Variants in SCN4A observed in about 807,000 individuals in gnomAD.
The protein encoded by SCN4A is sodium channel protein type 4 subunit alpha.
SCN4A carries 83 observed loss-of-function variants against 162.0 expected under a neutral mutation model. That is an observed-to-expected ratio of 0.51 (90% CI 0.43 to 0.61). SCN4A has a LOEUF of 0.61. Ranked by LOEUF, SCN4A falls within the 20% of genes least tolerant of loss-of-function variation. The probability of loss-of-function intolerance (pLI) is 0.00; values close to 1 mark genes in which losing one functional copy is unlikely to be tolerated. For missense variants in SCN4A, 2,196 were observed against 2,462.5 expected, an observed-to-expected ratio of 0.89 and a Z score of 2.29; for synonymous variants, 944 against 985.1, an observed-to-expected ratio of 0.96 and a Z score of 0.78.
chr17:63,947,526 G>A (rs62070882), intron 17 of SCN4A, among the ~76,000 whole-genome samples: 2,958 of 152,324 alleles, frequency 0.019, 38 homozygotes, highest in Admixed American at 0.04. Flanking sequence ...GGCCAAGGTA[G>A]GAGGATTGCT....
chr17:63,949,532 C>A lies in SCN4A; in HGVS notation c.2854-4G>T. 2 of 1,602,956 alleles carry A rather than the reference C, an allele frequency of 1.2e-6. No individual in the cohort carries two copies. Among genetic ancestry groups the A allele is most frequent in the Non-Finnish European group, 1.7e-6 (2 of 1,172,548 alleles). On this transcript the variant is annotated splice_polypyrimidine_tract_variant and splice_region_variant and intron_variant, in intron 14 of 23. Coordinates refer to ENST00000435607, the MANE Select transcript of SCN4A (RefSeq NM_000334.4). The stretch of plus-strand genomic sequence containing the variant: ...CATAGAGAGGCTGCGGCGGCTTCTG[C>A]GGAGGCCACAGGGTCACATGACATC...
rs1193767150 is a variant in SCN4A, at chr17:63,972,191, T to C, written c.427A>G (p.Thr143Ala). 6.2e-7 allele frequency: 1 copy of C among 1,613,482 alleles called. No individual in the cohort carries two copies. The highest frequency in any genetic ancestry group is 8.5e-7 in the Non-Finnish European group (1 of 1,179,760). Residue 143 changes from threonine (T) to alanine (A), a missense_variant, in exon 3 of 24, where the codon ACC becomes GCC. By Grantham distance (58) the Thr-to-Ala change is moderately conservative. Coordinates refer to ENST00000435607, the MANE Select transcript of SCN4A (RefSeq NM_000334.4). The surrounding 1 kb of genome is among the most constrained non-coding windows in gnomAD (Gnocchi z 4.3). ...FSMFIMITILTNCVFMTMSDP... is the reference protein window; with the variant it reads ...FSMFIMITILANCVFMTMSDP... ...CTCATGGTCATGAATACGCAGTTGG[T>C]CAAGATGGTGATCATGATGAACATG...
chr17:63,966,365 CATCCATGCCCACAGGTTTCCCTGCA>C lies in SCN4A; in HGVS notation c.1100+91_1100+115del, dbSNP rs1349901401. 2.9e-6 allele frequency: 4 copies of C among 1,399,202 alleles called. No homozygotes were observed. In the African/African-American group the frequency reaches 5.7e-5, roughly 20 times the overall value. The allele number at this position is 1,399,202 out of a possible 1,614,324, so 86.7% of individuals were successfully genotyped here. On this transcript the variant is annotated intron_variant, in intron 7 of 23. Transcript: ENST00000435607. ...GTGTCCCCCAAACAGAAAAGTATTCCATCCATGCCCACAGGTTTCCCTGCACTCCCATGCCCCCCAGGTCCTCATC... is the reference window on the plus strand; with the variant it reads ...GTGTCCCCCAAACAGAAAAGTATTCCCTCCCATGCCCCCCAGGTCCTCATC...
intron 5 of SCN4A, among the ~76,000 whole-genome samples, chr17:63,970,476 T>C (rs1354644908): frequency 6.6e-6 from 1 of 152,128 alleles, no homozygotes; most frequent in African/African-American, 2.4e-5. Context: ...TGTGCTTTTT[T>C]CTTTTGAGAC....
rs541785064 is a variant in SCN4A, at chr17:63,951,825, C to T, written c.2452G>A (p.Glu818Lys). 35 of 1,577,412 alleles carry T rather than the reference C, an allele frequency of 2.2e-5. No homozygotes were observed. The South Asian group carries it at 2.8e-4, about 12-fold the overall frequency. The change falls in exon 14 of 24, where the codon GAG (glutamate) becomes AAG (lysine). Residue 818 changes from glutamate to lysine, a missense_variant. By Grantham distance (56) the Glu-to-Lys change is moderately conservative. Transcript: ENST00000435607. The surrounding 1 kb of genome is among the most constrained non-coding windows in gnomAD (Gnocchi z 4.5). Reference sequence around the variant, plus strand: ...ATGGCAATCTGCAGGTTGTTCATCTCGCCATCCTCATCCGAGGCTGCCAGA... The same window carrying T: ...ATGGCAATCTGCAGGTTGTTCATCTTGCCATCCTCATCCGAGGCTGCCAGA... ...DSLAASDEDGEMNNLQIAIGR... is the reference protein window; with the variant it reads ...DSLAASDEDGKMNNLQIAIGR...
rs537378930 is a variant in SCN4A at position 63,960,711 on chromosome 17, C to A, written c.1845+482G>T. ...TGGAGAGAGGAGAAGCCTGGCCACGCTGGAGAAATAGGTGAGGGTTGGGGG... is the reference window on the plus strand; with the variant it reads ...TGGAGAGAGGAGAAGCCTGGCCACGATGGAGAAATAGGTGAGGGTTGGGGG... On this transcript the variant is annotated intron_variant, in intron 11 of 23. Coordinates refer to ENST00000435607, the MANE Select transcript of SCN4A (RefSeq NM_000334.4). Among the ~76,000 whole-genome samples, 12 of 152,230 alleles carry A rather than the reference C, an allele frequency of 7.9e-5. No individual in the cohort carries two copies. In the South Asian group the frequency reaches 1.9e-3, roughly 24 times the overall value.
In SCN4A at chr17:63,966,171, G is replaced by A. The variant is rs376062556; in HGVS notation, c.1173C>T (p.Thr391=). 13 of 1,596,810 alleles carry A rather than the reference G, an allele frequency of 8.1e-6. No individual in the cohort carries two copies. In the African/African-American group the frequency reaches 1.5e-4, roughly 18 times the overall value. ...AGAGAGCCAAGAAGGCCCAGCTGAA[G>A]GTGTCATAGCTGGTGTAGCCATAGT... ...NPNYGYTSYD[T]FSWAFLALFR... Residue 391 remains threonine (T), a synonymous_variant, in exon 8 of 24, where the codon ACC becomes ACT. Coordinates refer to ENST00000435607, the MANE Select transcript of SCN4A (RefSeq NM_000334.4).
Position 63,948,655 on chromosome 17 carries a change from C to T in SCN4A, c.3100G>A (p.Glu1034Lys), listed in dbSNP as rs777950412. The change falls in exon 16 of 24, where the codon GAG (glutamate) becomes AAG (lysine). Residue 1034 changes from glutamate (E) to lysine (K), a missense_variant. By Grantham distance (56) the Glu-to-Lys change is moderately conservative. Transcript: ENST00000435607. ...AGGATCATGAAGACAATGAAGGTCT[C>T]GAACCAGTTGTGCTCGACAATCTTG... ...CFKIVEHNWF[E>K]TFIVFMILLS... 7.4e-6 allele frequency: 12 copies of T among 1,613,770 alleles called. No homozygotes were observed. Among genetic ancestry groups the T allele is most frequent in the South Asian group, 1.1e-5 (1 of 91,074 alleles).
chr17:63,947,250 TCA>T, intron 17 of SCN4A, 83 bp from the exon 18 acceptor site: 2 of 1,548,068 alleles, frequency 1.3e-6, no homozygotes, highest in Non-Finnish European at 8.8e-7. Flanking sequence ...CTTCCTGGAC[TCA>T]CAGCTCCTGG....
chr17:63,957,877 T>G (rs1909120497), intron 12 of SCN4A, among the ~76,000 whole-genome samples: 1 of 150,992 alleles, frequency 6.6e-6, no homozygotes, highest in Admixed American at 6.6e-5. Flanking sequence ...TGGTGGCGAG[T>G]GCCTGTAATC....
intron 13 of SCN4A, among the ~76,000 whole-genome samples, chr17:63,954,064 G>A (rs1908997492): frequency 6.6e-6 from 1 of 152,142 alleles, no homozygotes; most frequent in Non-Finnish European, 1.5e-5. Flanking sequence ...GGAGCCCTGG[G>A]GGAGTGAGAG....
chr17:63,972,613 C>A lies in SCN4A; in HGVS notation c.229G>T (p.Gly77Cys). The A allele has an allele frequency of 6.2e-7, 1 of 1,604,250 alleles. No individual in the cohort carries two copies. The highest frequency in any genetic ancestry group is 1.1e-5 in the South Asian group (1 of 89,666). Residue 77 changes from glycine to cysteine, a missense_variant, in exon 1 of 24, where the codon GGC becomes TGC. By Grantham distance (159) the Gly-to-Cys change is radical. Transcript: ENST00000435607. This position sits in a 1 kb window ranked among gnomAD's most constrained non-coding sequence, Gnocchi z 4.3. ...IYGDPPPEVI[G>C]IPLEDLDPYY... ...GGATCCAGGTCCTCCAGGGGGATGCCGATGACCTCCGGCGGGGGGTCTCCG... is the reference window on the plus strand; with the variant it reads ...GGATCCAGGTCCTCCAGGGGGATGCAGATGACCTCCGGCGGGGGGTCTCCG...
chr17:63,957,129 G>T, intron 13 of SCN4A, 33 bp downstream of exon 13: 1 of 1,437,486 alleles, frequency 7.0e-7, no homozygotes, highest in Non-Finnish European at 9.6e-7. Context: ...CTTCCCGGGT[G>T]AGGGCAGGGG....
Position 63,945,295 on chromosome 17 carries a change from C to T in SCN4A, c.3720+65G>A, listed in dbSNP as rs538543754. 13 of 1,270,162 alleles carry T rather than the reference C, an allele frequency of 1.0e-5. No individual in the cohort carries two copies. The highest frequency in any genetic ancestry group is 1.0e-4 in the African/African-American group (3 of 30,088). 78.7% of individuals were successfully genotyped at this position (1,270,162 alleles called of 1,614,324 possible). On this transcript the variant is annotated intron_variant, in intron 19 of 23. Transcript: ENST00000435607. This position sits in a 1 kb window ranked among gnomAD's most constrained non-coding sequence, Gnocchi z 4.4. The stretch of plus-strand genomic sequence containing the variant: ...GGAGTGACACTGGGGTTGGGTACAA[C>T]GAGAGGACCGGGGTGGGGGGCACCT...
Position 63,968,187 on chromosome 17 carries a change from T to C in SCN4A, c.872A>G (p.Asn291Ser), listed in dbSNP as rs781129876. The change falls in exon 6 of 24, where the codon AAC becomes AGC. Residue 291 changes from asparagine to serine, a missense_variant. By Grantham distance (46) the Asn-to-Ser change is conservative. Coordinates refer to ENST00000435607, the MANE Select transcript of SCN4A (RefSeq NM_000334.4). ...VRWPPPFNDT[N>S]TTWYSNDTWY... ...CGTGTCATTGCTGTACCACGTGGTG[T>C]TGGTGTCGTTGAACGGCGGGGGCCA... 3.1e-6 allele frequency: 5 copies of C among 1,613,982 alleles called. No homozygotes were observed. In the Admixed American group the frequency reaches 5.0e-5, roughly 16 times the overall value.
chr17:63,949,544 G>A lies in SCN4A; in HGVS notation c.2854-16C>T. On this transcript the variant is annotated splice_polypyrimidine_tract_variant and intron_variant, in intron 14 of 23. Transcript: ENST00000435607. ...GCGGCGGCTTCTGCGGAGGCCACAG[G>A]GTCACATGACATCTGGGTCCCTGAG... is the stretch of plus-strand genomic sequence containing the variant. The A allele has an allele frequency of 6.3e-7, 1 of 1,592,810 alleles. No individual in the cohort carries two copies. The highest frequency in any genetic ancestry group is 1.1e-5 in the South Asian group (1 of 89,188).
Position 63,940,565 on chromosome 17 carries a change from C to G in SCN4A, c.*206G>C. ...GGGCCTCAGACCCAGCATGGAGCCC[C>G]TGAGCGCAATTCCCATTTCCCATGG... is the stretch of plus-strand genomic sequence containing the variant. On this transcript the variant is annotated 3_prime_UTR_variant, in exon 24 of 24. Transcript: ENST00000435607. 3.7e-6 allele frequency: 2 copies of G among 544,968 alleles called. No homozygotes were observed. Among genetic ancestry groups the G allele is most frequent in the Non-Finnish European group, 3.1e-6 (1 of 324,134 alleles). 33.8% of individuals were successfully genotyped at this position (544,968 alleles called of 1,614,324 possible).
chr17:63,961,915 C>T (rs904030785), intron 10 of SCN4A, among the ~76,000 whole-genome samples: 3 of 145,596 alleles, frequency 2.1e-5, no homozygotes, highest in Non-Finnish European at 4.5e-5. Flanking sequence ...AGCGCATCCT[C>T]ATGTCCGTCC....
chr17:63,966,869 G>T lies in SCN4A; in HGVS notation c.1037-325C>A, dbSNP rs1347185428. ...ACCTATGTAGGGCCCCTGAGTGAAG[G>T]GTGAGTGGGGGCTGGAATCCAGGTG... On this transcript the variant is annotated intron_variant, in intron 6 of 23. Transcript: ENST00000435607. Among the ~76,000 whole-genome samples, 4 of 152,334 alleles carry T rather than the reference G, an allele frequency of 2.6e-5. No homozygotes were observed. In the East Asian group the frequency reaches 5.8e-4, roughly 22 times the overall value.
Sources: gnomAD v4.1 joint callset for allele counts (sites outside exome capture counted in the v4.1 genomes callset) on GRCh38, gnomAD v4.1.1 for gene constraint, Gnocchi (gnomAD v3.1) non-coding constraint, MANE v1.5 for transcripts, NCBI Gene and HGNC (gene_info 2026-07-23, HGNC 2026-07-21) for gene names.